IMMP2L: variants seen among roughly 807,000 people sequenced by gnomAD.
IMMP2L encodes the protein mitochondrial inner membrane protease subunit 2.
A neutral mutation model predicts 19.3 loss-of-function variants in IMMP2L; 18 were observed. The ratio of observed to expected loss-of-function variants is 0.93; its 90% CI spans 0.64 to 1.38. The LOEUF (loss-of-function observed/expected upper bound fraction) is 1.38. IMMP2L is among the 40% of genes most tolerant of loss of function. The pLI is 0.00. For synonymous variants in IMMP2L, 76 were observed against 73.0 expected, an observed-to-expected ratio of 1.04 and a Z score of -0.21; for missense variants, 233 against 218.2, an observed-to-expected ratio of 1.07 and a Z score of -0.43.
At chr7:111,233,839 A>T (rs1325232216) in intron 3 of IMMP2L, among the ~76,000 whole-genome samples, 2 of 152,116 alleles carry the variant, frequency 1.3e-5, no homozygotes, top group African/African-American at 2.4e-5. Flanking sequence ...AACAATGTCT[A>T]ATGAAAGTCC....
At chr7:111,155,959 T>C (rs1804601976) in intron 3 of IMMP2L, among the ~76,000 whole-genome samples, 1 of 152,124 alleles carries the variant, frequency 6.6e-6, no homozygotes, top group Admixed American at 6.6e-5. Context: ...TGAAAATATA[T>C]AATACATACT....
At chr7:110,830,651 G>A (rs1803890397) in intron 5 of IMMP2L, among the ~76,000 whole-genome samples, 1 of 152,086 alleles carries the variant, frequency 6.6e-6, no homozygotes, top group Non-Finnish European at 1.5e-5. Flanking sequence ...CATGAGGTGT[G>A]CAAGAAGCCA....
In IMMP2L at chr7:111,149,219, TAAC is replaced by T. The variant is rs1469733666; in HGVS notation, c.240-185657_240-185655del. On this transcript the variant is annotated intron_variant, in intron 3 of 5. Transcript: ENST00000405709. ...ACAGCTTGGGATATAATTTCAGTGA[TAAC>T]AAGTTAGAAGTCAAAAGAAAGAAGA... Among the ~76,000 whole-genome samples, 3 of 152,180 alleles carry T rather than the reference TAAC, an allele frequency of 2.0e-5. No individual in the cohort carries two copies. The East Asian group carries it at 5.8e-4, about 29-fold the overall frequency.
At chr7:111,295,471 G>A (rs987542366) in intron 3 of IMMP2L, among the ~76,000 whole-genome samples, 21 of 151,818 alleles carry the variant, frequency 1.4e-4, no homozygotes, top group African/African-American at 4.8e-4. Flanking sequence ...AAGAGTGCAG[G>A]TTTCCCTTTC....
chr7:111,509,879 G>T (rs1048437427), intron 2 of IMMP2L, among the ~76,000 whole-genome samples: 2 of 151,930 alleles, frequency 1.3e-5, no homozygotes, highest in Admixed American at 6.6e-5. Flanking sequence ...TAATTATTCA[G>T]GCATATCAAT....
intron 5 of IMMP2L, among the ~76,000 whole-genome samples, chr7:110,828,831 T>C (rs943651780): frequency 6.6e-6 from 1 of 152,154 alleles, no homozygotes; most frequent in African/African-American, 2.4e-5. Flanking sequence ...TTAGTGAGCA[T>C]AATACTATCT....
intron 3 of IMMP2L, among the ~76,000 whole-genome samples, chr7:111,429,540 A>G (rs1786130614): frequency 6.6e-6 from 1 of 150,772 alleles, no homozygotes; most frequent in Non-Finnish European, 1.5e-5. Flanking sequence ...TAAAGGCACT[A>G]AAAGTTAGCT....
chr7:110,961,958 A>C (rs975195919), intron 4 of IMMP2L, among the ~76,000 whole-genome samples: 1 of 151,952 alleles, frequency 6.6e-6, no homozygotes, highest in Non-Finnish European at 1.5e-5. Context: ...TTTTGAAGGT[A>C]ACAGGTAAGA....
At chr7:111,463,717 A>C (rs1448124681) in intron 3 of IMMP2L, among the ~76,000 whole-genome samples, 1 of 152,058 alleles carries the variant, frequency 6.6e-6, no homozygotes, top group Non-Finnish European at 1.5e-5. Context: ...GTCCCTGGGC[A>C]CTTCACTATT....
chr7:111,125,219 T>G, intron 3 of IMMP2L: 1 of 236,820 alleles, frequency 4.2e-6, no homozygotes, highest in Non-Finnish European at 8.8e-6. Context: ...TTTAAGTAAA[T>G]AAGAGTAGTT....
chr7:111,496,626 G>A (rs1269427375), intron 2 of IMMP2L, among the ~76,000 whole-genome samples: 2 of 152,114 alleles, frequency 1.3e-5, no homozygotes, highest in Non-Finnish European at 2.9e-5. Flanking sequence ...CTGACGCTGG[G>A]ACAACCTTCT....
intron 3 of IMMP2L, among the ~76,000 whole-genome samples, chr7:111,478,632 C>T (rs1322954642): frequency 6.6e-6 from 1 of 151,926 alleles, no homozygotes; most frequent in Non-Finnish European, 1.5e-5. Flanking sequence ...TGCTATGTCA[C>T]CCAGGCTGGT....
intron 4 of IMMP2L, among the ~76,000 whole-genome samples, chr7:110,919,385 T>C (rs1371295771): frequency 6.6e-6 from 1 of 152,130 alleles, no homozygotes; most frequent in Admixed American, 6.5e-5. Flanking sequence ...ATTTCAATAT[T>C]AGAAATCACA....
At chr7:111,561,039 T>C (rs936080686) in intron 1 of IMMP2L, among the ~76,000 whole-genome samples, 1 of 152,222 alleles carries the variant, frequency 6.6e-6, no homozygotes. Flanking sequence ...GTTATTTATA[T>C]GTGACATATA....
intron 3 of IMMP2L, among the ~76,000 whole-genome samples, chr7:111,365,393 T>A (rs1829671158): frequency 6.6e-6 from 1 of 152,142 alleles, no homozygotes; most frequent in South Asian, 2.1e-4. Context: ...TCATTACTAA[T>A]CCTATATAGC....
intron 3 of IMMP2L, among the ~76,000 whole-genome samples, chr7:111,443,403 T>C (rs1837945276): frequency 6.6e-6 from 1 of 152,182 alleles, no homozygotes; most frequent in Non-Finnish European, 1.5e-5. Flanking sequence ...GTGGGCTGGT[T>C]AAGGATGCAG....
chr7:111,394,163 G>A (rs561472548), intron 3 of IMMP2L, among the ~76,000 whole-genome samples: 2 of 152,010 alleles, frequency 1.3e-5, no homozygotes, highest in East Asian at 3.9e-4. Flanking sequence ...TTTTGATAAA[G>A]TACATGAAGA....
intron 3 of IMMP2L, among the ~76,000 whole-genome samples, chr7:111,108,759 A>G (rs906432567): frequency 6.6e-6 from 1 of 152,192 alleles, no homozygotes; most frequent in Non-Finnish European, 1.5e-5. Flanking sequence ...CATACAAACC[A>G]CATGAGTCAA....
chr7:111,045,127 T>C (rs1477775556), intron 3 of IMMP2L, among the ~76,000 whole-genome samples: 2 of 152,152 alleles, frequency 1.3e-5, no homozygotes, highest in African/African-American at 4.8e-5. Flanking sequence ...ACACAAAGAT[T>C]ACAACAGCTA....
Sources: allele counts gnomAD v4.1 joint callset (sites outside exome capture counted in the v4.1 genomes callset), GRCh38; gene constraint gnomAD v4.1.1; transcripts MANE v1.5; gene names NCBI Gene and HGNC (gene_info 2026-07-23, HGNC 2026-07-21).